CAMK2B: variants seen among roughly 807,000 people sequenced by gnomAD.
The protein encoded by CAMK2B is calcium/calmodulin dependent protein kinase II beta, also known as calcium/calmodulin-dependent protein kinase type II subunit beta.
CAMK2B carries 27 observed loss-of-function variants against 93.7 expected under a neutral mutation model. The ratio of observed to expected loss-of-function variants is 0.29; its 90% CI spans 0.21 to 0.40. CAMK2B has a LOEUF of 0.40. Ranked by LOEUF, CAMK2B falls within the 10% of genes least tolerant of loss-of-function variation. The pLI is 1.00. For missense variants in CAMK2B, 568 were observed against 895.8 expected (o/e 0.63, Z 4.67); for synonymous variants, 374 against 358.8 (o/e 1.04, Z -0.48).
At position 44,228,924 on chromosome 7, in the gene CAMK2B, G is replaced by C. The variant is rs773750991; in HGVS notation, c.1340C>G (p.Ser447Cys). The change falls in exon 19 of 24, where the codon TCC becomes TGC. Residue 447 changes from serine to cysteine, a missense_variant and splice_region_variant. By Grantham distance (112) the Ser-to-Cys change is moderately radical. Transcript: ENST00000395749. ...GTTCAGGATGTCAGAGATCCTGGGG[G>C]CTGGGGTGGAACAGATGAGACGTGA... is the stretch of plus-strand genomic sequence containing the variant. The part of the protein sequence containing the change: ...PAPFSPLPAP[S>C]PRISDILNSV... The C allele has an allele frequency of 2.5e-5, 40 of 1,609,272 alleles. No individual in the cohort carries two copies. Among genetic ancestry groups the C allele is most frequent in the Non-Finnish European group, 3.3e-5 (39 of 1,177,824 alleles).
intron 1 of CAMK2B, among the ~76,000 whole-genome samples, chr7:44,289,615 A>C (rs1786167025): frequency 6.6e-6 from 1 of 152,164 alleles, no homozygotes; most frequent in African/African-American, 2.4e-5. Context: ...GGTGACTTCC[A>C]TCAGTAAGGG....
At chr7:44,262,310 C>T (rs192805736) in intron 3 of CAMK2B, among the ~76,000 whole-genome samples, 100 of 152,316 alleles carry the variant, frequency 6.6e-4, no homozygotes, top group African/African-American at 2.2e-3. Context: ...AGGCCAAGAG[C>T]GGCTGCCGTC....
chr7:44,306,096 C>T (rs1791425815), intron 1 of CAMK2B, among the ~76,000 whole-genome samples: 1 of 152,062 alleles, frequency 6.6e-6, no homozygotes, highest in South Asian at 2.1e-4. Context: ...GGCCAGAAAC[C>T]ACCTAGGGGC....
rs1177191626 is a variant in CAMK2B at position 44,286,715 on chromosome 7, C to A, written c.66-2490G>T. Among the ~76,000 whole-genome samples the A allele has an allele frequency of 1.3e-5, 2 of 152,244 alleles. No homozygotes were observed. The highest frequency in any genetic ancestry group is 2.9e-5 in the Non-Finnish European group (2 of 68,040). The stretch of plus-strand genomic sequence containing the variant: ...TCCTCTGCAGAAGGCTCCAGAGCCG[C>A]CCCTGCACCATCAGCCTAGGTCGGA... On this transcript the variant is annotated intron_variant, in intron 1 of 23. Transcript: ENST00000395749. The surrounding 1 kb of genome is among the most constrained non-coding windows in gnomAD (Gnocchi z 4.0).
intron 1 of CAMK2B, among the ~76,000 whole-genome samples, chr7:44,294,041 C>T (rs533233421): frequency 4.6e-5 from 7 of 152,214 alleles, no homozygotes; most frequent in Admixed American, 3.3e-4. Context: ...AATCTGAGGT[C>T]GGGTGGGGTC....
intron 13 of CAMK2B, among the ~76,000 whole-genome samples, chr7:44,237,685 T>C (rs936788239): frequency 2.6e-5 from 4 of 152,210 alleles, no homozygotes; most frequent in African/African-American, 9.7e-5. Flanking sequence ...ACACTAGCAT[T>C]CAAGGGCACG....
chr7:44,268,206 T>C (rs966746938), intron 2 of CAMK2B: 1 of 152,402 alleles, frequency 6.6e-6, no homozygotes, highest in Non-Finnish European at 1.5e-5. Context: ...GCTGCTGGGC[T>C]GGGACCCAAA....
Position 44,228,843 on chromosome 7 carries a change from GGC to G in CAMK2B, c.1419_1420del (p.Pro475AlafsTer20). ...GAGAGCCGGAGACAGGCAGGGCGGG[GGC>G]CCCGCTGAGAGGGGGCCCTCGGCTT... On this transcript the variant is annotated frameshift_variant, in exon 19 of 24. Transcript: ENST00000395749. LOFTEE classifies it high-confidence loss of function. 1 of 1,504,386 alleles carries G rather than the reference GGC, an allele frequency of 6.6e-7. No homozygotes were observed. The highest frequency in any genetic ancestry group is 8.9e-7 in the Non-Finnish European group (1 of 1,128,222). The allele number at this position is 1,504,386 out of a possible 1,614,324, so 93.2% of individuals were successfully genotyped here. A position where few individuals can be genotyped will look rare whatever the true frequency, so the allele number is the denominator to read the frequency against.
At chr7:44,269,313 A>G (rs911059781) in intron 2 of CAMK2B, among the ~76,000 whole-genome samples, 3 of 152,228 alleles carry the variant, frequency 2.0e-5, no homozygotes, top group Non-Finnish European at 4.4e-5. Flanking sequence ...CAGCACCCAG[A>G]GGCCATGGTG....
intron 13 of CAMK2B, among the ~76,000 whole-genome samples, chr7:44,238,675 ACCTCTGCCGGGTC>A (rs2096647940): frequency 6.6e-6 from 1 of 152,170 alleles, no homozygotes. Context: ...GCACCCTGGA[ACCTCTGCCGGGTC>A]CCCAGCCCAC....
At chr7:44,270,255 G>A (rs1227736393) in intron 2 of CAMK2B, among the ~76,000 whole-genome samples, 1 of 152,194 alleles carries the variant, frequency 6.6e-6, no homozygotes, top group Admixed American at 6.5e-5. Context: ...GCTGGGGAGG[G>A]CACTGGGATG....
chr7:44,321,387 G>A (rs1198343129), intron 1 of CAMK2B, among the ~76,000 whole-genome samples: 1 of 152,128 alleles, frequency 6.6e-6, no homozygotes, highest in African/African-American at 2.4e-5. Flanking sequence ...GACATATCAA[G>A]GTCAGTTTTG....
chr7:44,239,460 G>A, intron 13 of CAMK2B, 129 bp downstream of exon 13: 1 of 752,642 alleles, frequency 1.3e-6, no homozygotes, highest in Non-Finnish European at 2.2e-6. Context: ...CGGGAGCAGG[G>A]GCTCCCGGGG....
intron 1 of CAMK2B, among the ~76,000 whole-genome samples, chr7:44,308,675 G>C (rs1792618902): frequency 6.6e-6 from 1 of 152,192 alleles, no homozygotes; most frequent in African/African-American, 2.4e-5. Context: ...GAGAGAGGGA[G>C]GTGCGGGCCC....
chr7:44,273,876 A>AGGCCCAAGGCCAGGGAGCAC (rs2097001958), intron 2 of CAMK2B, among the ~76,000 whole-genome samples: 1 of 152,112 alleles, frequency 6.6e-6, no homozygotes, highest in African/African-American at 2.4e-5. Flanking sequence ...ACCCAGCCCG[A>AGGCCCAAGGCCAGGGAGCAC]GGCCCAAGGC....
At chr7:44,239,764 A>T in intron 12 of CAMK2B, 101 bp from the exon 13 acceptor site, 3 of 826,372 alleles carry the variant, frequency 3.6e-6, no homozygotes, top group East Asian at 5.4e-5. Context: ...GAAGCAGAAG[A>T]AGATTAGAGT....
In CAMK2B at chr7:44,312,045, G is replaced by C. The variant is rs1793701975; in HGVS notation, c.65+13312C>G. Among the ~76,000 whole-genome samples the C allele has an allele frequency of 6.6e-6, 1 of 152,222 alleles. No individual in the cohort carries two copies. Among genetic ancestry groups the C allele is most frequent in the Non-Finnish European group, 1.5e-5 (1 of 68,030 alleles). On this transcript the variant is annotated intron_variant, in intron 1 of 23. Transcript: ENST00000395749. This position sits in a 1 kb window ranked among gnomAD's most constrained non-coding sequence, Gnocchi z 4.1. ...CCAGAGGGGGAAACTGAGCCCCAGT[G>C]TGTGCTTCCTGCTGGTGATGCCCCC...
chr7:44,267,974 T>C (rs1191657620), intron 2 of CAMK2B: 1 of 152,182 alleles, frequency 6.6e-6, no homozygotes, highest in Non-Finnish European at 1.5e-5. Flanking sequence ...CTGCCGGCCA[T>C]TCATCCTGCC....
chr7:44,323,618 G>C (rs986906062), intron 1 of CAMK2B, among the ~76,000 whole-genome samples: 3 of 152,242 alleles, frequency 2.0e-5, no homozygotes, highest in Admixed American at 1.3e-4. Flanking sequence ...GTGAGCTGCA[G>C]TCTGAGGACA....
Sources: gnomAD v4.1 joint callset for allele counts (sites outside exome capture counted in the v4.1 genomes callset) on GRCh38, gnomAD v4.1.1 for gene constraint, Gnocchi (gnomAD v3.1) non-coding constraint, MANE v1.5 for transcripts, NCBI Gene and HGNC (gene_info 2026-07-23, HGNC 2026-07-21) for gene names.